FXR1: variants seen among roughly 807,000 people sequenced by gnomAD.
FXR1 encodes the protein FMR1 autosomal homolog 1.
In FXR1, 15 loss-of-function variants were observed where a neutral mutation model predicts 84.0. That is an observed-to-expected ratio of 0.18 (90% confidence interval 0.12 to 0.27). The LOEUF is 0.27. Among genes scored for constraint, FXR1 ranks in the 10% least tolerant of loss-of-function variants. The probability of loss-of-function intolerance (pLI) is 1.00; values close to 1 mark genes in which losing one functional copy is unlikely to be tolerated. For missense variants in FXR1, 480 were observed against 774.4 expected (o/e 0.62, Z 4.51); for synonymous variants, 245 against 250.7 (o/e 0.98, Z 0.21).
chr3:180,952,221 G>A (rs1722292857), intron 8 of FXR1, among the ~76,000 whole-genome samples: 2 of 152,144 alleles, frequency 1.3e-5, no homozygotes, highest in East Asian at 1.9e-4. Context: ...GCCTTCCAAA[G>A]TGCCGGGACT....
At chr3:180,962,115 T>G (rs1712199345) in intron 11 of FXR1, among the ~76,000 whole-genome samples, 1 of 152,188 alleles carries the variant, frequency 6.6e-6, no homozygotes, top group African/African-American at 2.4e-5. Flanking sequence ...ATTAAACATT[T>G]TAATTTTATT....
chr3:180,952,029 A>G (rs1166812882), intron 8 of FXR1, among the ~76,000 whole-genome samples: 1 of 152,222 alleles, frequency 6.6e-6, no homozygotes, highest in South Asian at 2.1e-4. Context: ...TAGAGTTTAG[A>G]AAAGTATATA....
intron 1 of FXR1, among the ~76,000 whole-genome samples, chr3:180,927,097 C>T (rs777937672): frequency 1.3e-5 from 2 of 151,960 alleles, no homozygotes; most frequent in African/African-American, 2.4e-5. Flanking sequence ...CTTTGGGAAC[C>T]TTGCCTTAAA....
intron 1 of FXR1, among the ~76,000 whole-genome samples, chr3:180,913,195 G>T (rs1357631592): frequency 2.6e-5 from 4 of 152,210 alleles, no homozygotes; most frequent in African/African-American, 9.6e-5. Context: ...ACCCCTTGGG[G>T]CGGGTGTATC....
chr3:180,963,188 CT>C, intron 13 of FXR1, 98 bp downstream of exon 13: 1 of 617,706 alleles, frequency 1.6e-6, no homozygotes. Flanking sequence ...GTTCATTACT[CT>C]GTCTTGGCTT....
intron 1 of FXR1, among the ~76,000 whole-genome samples, chr3:180,925,703 C>G (rs1160972899): frequency 6.6e-6 from 1 of 152,058 alleles, no homozygotes; most frequent in African/African-American, 2.4e-5. Context: ...TTAAATCATT[C>G]AAATTGATGG....
At chr3:180,951,258 A>G (rs774723399) in intron 7 of FXR1, 40 bp from the exon 8 acceptor site, 2 of 1,301,328 alleles carry the variant, frequency 1.5e-6, no homozygotes, top group East Asian at 2.3e-5. Flanking sequence ...GCCATTTTGT[A>G]TTTTGATCTT....
chr3:180,962,441 C>G (rs1560015159), intron 11 of FXR1, among the ~76,000 whole-genome samples: 1 of 152,206 alleles, frequency 6.6e-6, no homozygotes, highest in Admixed American at 6.5e-5. Context: ...GTCTAGCACT[C>G]CTTCTAGGTC....
At chr3:180,953,068 C>CT (rs1481830194) in intron 8 of FXR1, among the ~76,000 whole-genome samples, 1 of 152,048 alleles carries the variant, frequency 6.6e-6, no homozygotes, top group Non-Finnish European at 1.5e-5. Flanking sequence ...GTCTCAAACT[C>CT]TTGGCCTTAA....
intron 1 of FXR1, among the ~76,000 whole-genome samples, chr3:180,920,489 G>T (rs1320755554): frequency 6.6e-6 from 1 of 151,202 alleles, no homozygotes; most frequent in Non-Finnish European, 1.5e-5. Context: ...CTTAAACTCT[G>T]CAACGAGAAA....
At chr3:180,913,435 T>C (rs959304174) in intron 1 of FXR1, among the ~76,000 whole-genome samples, 2 of 152,172 alleles carry the variant, frequency 1.3e-5, no homozygotes, top group African/African-American at 4.8e-5. Flanking sequence ...AGATTTAAAA[T>C]GCGAAATGGA....
At chr3:180,962,656 T>C (rs1712265832) in intron 11 of FXR1, among the ~76,000 whole-genome samples, 1 of 152,162 alleles carries the variant, frequency 6.6e-6, no homozygotes, top group Admixed American at 6.5e-5. Flanking sequence ...TCTTCTTTTA[T>C]ATTGTATGCC....
At chr3:180,920,999 A>G (rs975121215) in intron 1 of FXR1, among the ~76,000 whole-genome samples, 2 of 152,090 alleles carry the variant, frequency 1.3e-5, no homozygotes, top group Non-Finnish European at 2.9e-5. Context: ...CTTTTTTCAA[A>G]CTCAGAACAG....
Position 180,981,216 on chromosome 3 carries a change from G to C in FXR1, c.*4924G>C, listed in dbSNP as rs1050380945. 1 of 151,884 alleles carries C rather than the reference G, an allele frequency of 6.6e-6. No homozygotes were observed. Among genetic ancestry groups the C allele is most frequent in the African/African-American group, 2.4e-5 (1 of 41,392 alleles). The allele number at this position is 151,884 out of a possible 1,614,324, so 9.4% of individuals were successfully genotyped here. ...TTTAAATGAAGCATTATGCCTGCGTGAAATTTTATTTTTAGACATTTCTGA... is the reference window on the plus strand; with the variant it reads ...TTTAAATGAAGCATTATGCCTGCGTCAAATTTTATTTTTAGACATTTCTGA... On this transcript the variant is annotated 3_prime_UTR_variant, in exon 17 of 17. Coordinates refer to ENST00000357559, the MANE Select transcript of FXR1 (RefSeq NM_005087.4).
At chr3:180,921,054 AT>A (rs978540659) in intron 1 of FXR1, among the ~76,000 whole-genome samples, 1 of 151,448 alleles carries the variant, frequency 6.6e-6, no homozygotes. Context: ...GCCTTGAATA[AT>A]TTTTTTTTCT....
At chr3:180,912,949 C>T (rs1020858818) in intron 1 of FXR1, among the ~76,000 whole-genome samples, 1 of 152,124 alleles carries the variant, frequency 6.6e-6, no homozygotes, top group Middle Eastern at 3.2e-3. Context: ...ACGTCGGACA[C>T]CTCTTGCATT....
At chr3:180,961,640 C>A in intron 11 of FXR1, 86 bp downstream of exon 11, 1 of 651,816 alleles carries the variant, frequency 1.5e-6, no homozygotes, top group South Asian at 2.2e-5. Flanking sequence ...TTTAAAATGT[C>A]CTCACATTAA....
chr3:180,976,913 G>A lies in FXR1; in HGVS notation c.*621G>A, dbSNP rs559092713. Reference sequence around the variant, plus strand: ...GGCTTTGTTTGGTTTATTTATTAAAGTGTACAGTATTTAAAAATCAAACAT... The same window carrying A: ...GGCTTTGTTTGGTTTATTTATTAAAATGTACAGTATTTAAAAATCAAACAT... On this transcript the variant is annotated 3_prime_UTR_variant, in exon 17 of 17. Coordinates refer to ENST00000357559, the MANE Select transcript of FXR1 (RefSeq NM_005087.4). 10 of 152,646 alleles carry A rather than the reference G, an allele frequency of 6.6e-5. No homozygotes were observed. Among genetic ancestry groups the A allele is most frequent in the African/African-American group, 2.4e-4 (10 of 41,542 alleles). 9.5% of individuals were successfully genotyped at this position (152,646 alleles called of 1,614,324 possible).
At chr3:180,940,372 G>A (rs1326350848) in intron 3 of FXR1, among the ~76,000 whole-genome samples, 3 of 152,118 alleles carry the variant, frequency 2.0e-5, no homozygotes, top group South Asian at 4.1e-4. Context: ...TTTAGATTTC[G>A]TTTACATTGG....
Sources: allele counts gnomAD v4.1 joint callset (sites outside exome capture counted in the v4.1 genomes callset), GRCh38; gene constraint gnomAD v4.1.1; transcripts MANE v1.5; gene names NCBI Gene and HGNC (gene_info 2026-07-23, HGNC 2026-07-21).